ATRNL1: variants seen among roughly 807,000 people sequenced by gnomAD.
The protein encoded by ATRNL1 is attractin-like protein 1.
A neutral mutation model predicts 182.7 loss-of-function variants in ATRNL1; 95 were observed. The observed-to-expected ratio is 0.52, with a 90% CI of 0.44 to 0.62. The LOEUF (loss-of-function observed/expected upper bound fraction) is 0.62, where lower values mean the gene tolerates loss of function less well. Among genes scored for constraint, ATRNL1 ranks in the 20% least tolerant of loss-of-function variants. The probability of loss-of-function intolerance (pLI) is 0.00; values close to 1 mark genes in which losing one functional copy is unlikely to be tolerated. For missense variants in ATRNL1, 1,471 were observed against 1,679.5 expected, an observed-to-expected ratio of 0.88 and a Z score of 2.17; for synonymous variants, 576 against 568.3, an observed-to-expected ratio of 1.01 and a Z score of -0.19.
At chr10:115,904,445 C>T (rs1277647600) in intron 28 of ATRNL1, among the ~76,000 whole-genome samples, 1 of 152,212 alleles carries the variant, frequency 6.6e-6, no homozygotes, top group Non-Finnish European at 1.5e-5. Flanking sequence ...CTTACTCCTA[C>T]TGGCCATTCT....
intron 8 of ATRNL1, among the ~76,000 whole-genome samples, chr10:115,183,179 C>CA (rs1847812336): frequency 6.6e-6 from 1 of 151,140 alleles, no homozygotes. Context: ...AAAATAGTGA[C>CA]AGTAAAAGCA....
chr10:115,863,433 C>T (rs1449589704), intron 28 of ATRNL1, among the ~76,000 whole-genome samples: 11 of 152,086 alleles, frequency 7.2e-5, no homozygotes, highest in Admixed American at 7.2e-4. Context: ...GGAGCATGGA[C>T]CAGCAATTCT....
chr10:115,642,508 A>T (rs1019516958), intron 26 of ATRNL1, among the ~76,000 whole-genome samples: 4 of 151,708 alleles, frequency 2.6e-5, no homozygotes, highest in Non-Finnish European at 5.9e-5. Context: ...CAATGGAGCA[A>T]TCTTGGCTCA....
At chr10:115,944,617 T>C in intron 28 of ATRNL1, 41 bp from the exon 29 acceptor site, 1 of 1,548,090 alleles carries the variant, frequency 6.5e-7, no homozygotes, top group Non-Finnish European at 8.7e-7. Context: ...ATCCCAGAAA[T>C]GTCTAAGCAA....
chr10:115,669,428 T>C (rs2133924190), intron 26 of ATRNL1, among the ~76,000 whole-genome samples: 1 of 152,262 alleles, frequency 6.6e-6, no homozygotes, highest in East Asian at 1.9e-4. Flanking sequence ...GCAGCTATAA[T>C]AAATTTTTAT....
chr10:115,503,400 GA>G (rs797023448), intron 24 of ATRNL1, among the ~76,000 whole-genome samples: 41 of 151,784 alleles, frequency 2.7e-4, no homozygotes, highest in African/African-American at 8.4e-4. Flanking sequence ...AGGACATGAG[GA>G]AAAAAAATTA....
intron 3 of ATRNL1, among the ~76,000 whole-genome samples, chr10:115,125,246 T>A (rs924526362): frequency 6.6e-6 from 1 of 152,184 alleles, no homozygotes; most frequent in African/African-American, 2.4e-5. Context: ...ATCCTCAAAA[T>A]AACCTTTAGG....
chr10:115,215,847 A>G lies in ATRNL1; in HGVS notation c.1499A>G (p.Asp500Gly), dbSNP rs1849210082. ...LPGNKYGLVD[D>G]LYKYEVNTKT... ...GGGAACAAATATGGATTGGTTGATG[A>G]TCTTTATAAATATGAAGTTAACACT... The change falls in exon 9 of 29, where the codon GAT becomes GGT. Residue 500 changes from aspartate (D) to glycine (G), a missense_variant. Coordinates refer to ENST00000355044, the MANE Select transcript of ATRNL1 (RefSeq NM_207303.4). 4 of 1,581,502 alleles carry G rather than the reference A, an allele frequency of 2.5e-6. No homozygotes were observed. Among genetic ancestry groups the G allele is most frequent in the Non-Finnish European group, 3.4e-6 (4 of 1,168,644 alleles).
At chr10:115,554,362 A>C (rs1270376737) in intron 26 of ATRNL1, among the ~76,000 whole-genome samples, 2 of 151,734 alleles carry the variant, frequency 1.3e-5, no homozygotes, top group Non-Finnish European at 3.0e-5. Flanking sequence ...ATTTTAACAT[A>C]AATTTACTTT....
At chr10:115,765,499 A>G (rs1343456039) in intron 27 of ATRNL1, among the ~76,000 whole-genome samples, 6 of 152,028 alleles carry the variant, frequency 3.9e-5, no homozygotes, top group Admixed American at 3.3e-4. Flanking sequence ...ATCCATTGTT[A>G]TTGTTGAGTT....
intron 24 of ATRNL1, among the ~76,000 whole-genome samples, chr10:115,508,917 A>G (rs1220087485): frequency 1.3e-5 from 2 of 152,040 alleles, no homozygotes; most frequent in Non-Finnish European, 2.9e-5. Context: ...AGAAGATACC[A>G]CCTAGGAATT....
chr10:115,131,161 G>A (rs1202293428), intron 5 of ATRNL1, among the ~76,000 whole-genome samples: 1 of 151,608 alleles, frequency 6.6e-6, no homozygotes, highest in Non-Finnish European at 1.5e-5. Context: ...GCAAATACTG[G>A]GTATGTTCAC....
rs1379769419 is a variant in ATRNL1, at chr10:115,268,374, C to T, written c.2030C>T (p.Thr677Ile). 3.7e-6 allele frequency: 6 copies of T among 1,613,630 alleles called. No homozygotes were observed. The highest frequency in any genetic ancestry group is 5.1e-6 in the Non-Finnish European group (6 of 1,179,788). ...CYRYADCASC[T>I]ANTNGCQWCD... is the part of the protein sequence containing the mutation. ...AGATATGCAGATTGTGCCAGCTGTACTGCCAATACAAATGGGTGCCAATGG... is the reference window on the plus strand; with the variant it reads ...AGATATGCAGATTGTGCCAGCTGTATTGCCAATACAAATGGGTGCCAATGG... The change falls in exon 13 of 29, where the codon ACT becomes ATT. Residue 677 changes from threonine (T) to isoleucine (I), a missense_variant. This residue lies in a region of ATRNL1 where 1,031 missense variants were observed against 1,156.0 expected (regional missense o/e 0.89). Coordinates refer to ENST00000355044, the MANE Select transcript of ATRNL1 (RefSeq NM_207303.4).
rs552886078 is a variant in ATRNL1, at chr10:115,811,321, G to A, written c.3904-36556G>A. On this transcript the variant is annotated intron_variant, in intron 27 of 28. Transcript: ENST00000355044. ...TTATTTTTAGTTTATTTCTATTTTG[G>A]TCAGAGAATATTACTCTATGGTTTT... Among the ~76,000 whole-genome samples, 43 of 151,536 alleles carry A rather than the reference G, an allele frequency of 2.8e-4. 1 individual carries two copies. The highest frequency in any genetic ancestry group is 6.6e-4 in the Admixed American group (10 of 15,198).
chr10:115,882,299 G>A (rs1951843681), intron 28 of ATRNL1, among the ~76,000 whole-genome samples: 1 of 152,208 alleles, frequency 6.6e-6, no homozygotes. Context: ...CGGGCTTTGG[G>A]AGAAAGGCTG....
intron 19 of ATRNL1, among the ~76,000 whole-genome samples, chr10:115,391,387 T>C (rs1554954285): frequency 6.6e-6 from 1 of 152,096 alleles, no homozygotes; most frequent in Non-Finnish European, 1.5e-5. Context: ...AGTCTGGTAG[T>C]GGGATGGGTC....
rs200956820 is a variant in ATRNL1 at position 115,744,704 on chromosome 10, TGA to T, written c.3903+17351_3903+17352del. 8.7e-3 allele frequency among the ~76,000 whole-genome samples: 1,331 copies of T among 152,248 alleles called. 28 individuals are homozygous for T. Among genetic ancestry groups the T allele is most frequent in the South Asian group, 0.047 (225 of 4,828 alleles). Reference sequence around the variant, plus strand: ...GCCTCCCACTGTATTGAATTTAATGTGAGTGTATGAATATGTAAATGCACGCA... The same window carrying T: ...GCCTCCCACTGTATTGAATTTAATGTGTGTATGAATATGTAAATGCACGCA... On this transcript the variant is annotated intron_variant, in intron 27 of 28. Coordinates refer to ENST00000355044, the MANE Select transcript of ATRNL1 (RefSeq NM_207303.4).
chr10:115,887,432 G>C (rs1416436299), intron 28 of ATRNL1, among the ~76,000 whole-genome samples: 1 of 152,158 alleles, frequency 6.6e-6, no homozygotes, highest in Non-Finnish European at 1.5e-5. Flanking sequence ...TTCCTAGGTG[G>C]ATGTCTTCTC....
At chr10:115,280,636 G>A (rs1253487065) in intron 13 of ATRNL1, among the ~76,000 whole-genome samples, 3 of 152,180 alleles carry the variant, frequency 2.0e-5, no homozygotes, top group African/African-American at 7.2e-5. Flanking sequence ...CTGCAGAGAA[G>A]AACTTCGTGT....
Sources: gnomAD v4.1 joint callset for allele counts (sites outside exome capture counted in the v4.1 genomes callset) on GRCh38, gnomAD v4.1.1 for gene constraint, gnomAD v4.1.1 regional missense constraint, MANE v1.5 for transcripts, NCBI Gene and HGNC (gene_info 2026-07-23, HGNC 2026-07-21) for gene names.